The following B4GALT3 variants were observed in gnomAD, a reference collection of about 807,000 sequenced individuals.
B4GALT3 encodes beta-1,4-galactosyltransferase 3, also known as N-acetyllactosamine synthase.
In B4GALT3, 29 loss-of-function variants were observed where a neutral mutation model predicts 40.7. The ratio of observed to expected loss-of-function variants is 0.71; its 90% CI spans 0.53 to 0.97. The LOEUF is 0.97. Among genes scored for constraint, B4GALT3 ranks in the 50% least tolerant of loss-of-function variants. The pLI is 0.00. For synonymous variants in B4GALT3, 182 were observed against 203.9 expected (o/e 0.89, Z 0.92); for missense variants, 390 against 522.3 (o/e 0.75, Z 2.47).
At chr1:161,172,151 T>C in intron 7 of B4GALT3, 62 bp from the exon 8 acceptor site, 1 of 1,612,116 alleles carries the variant, frequency 6.2e-7, no homozygotes, top group Non-Finnish European at 8.5e-7. Context: ...TAGGGACCTT[T>C]AGGATTTTCC....
rs1661597711 is a variant in B4GALT3 at position 161,171,947 on chromosome 1, C to T, written c.1051G>A (p.Ala351Thr). The T allele has an allele frequency of 1.9e-6, 3 of 1,613,970 alleles. No individual in the cohort carries two copies. The highest frequency in any genetic ancestry group is 2.5e-6 in the Non-Finnish European group (3 of 1,180,022). ...DIGTDPRGPR[A>T]PSGPRYPPGS... is the part of the protein sequence containing the mutation. ...GGTGGGTAACGTGGCCCAGAAGGAG[C>T]CCGAGGACCCCGAGGGTCAGTCCCA... Residue 351 changes from alanine to threonine, a missense_variant, in exon 8 of 8, where the codon GCT becomes ACT. Transcript: ENST00000319769.
rs74124650 is a variant in B4GALT3, at chr1:161,172,805, A to G, written c.804-474T>C. ...CACTTTTGGATGCCAAGGCAGAAGG[A>G]TCACTTGAGGCCAGGAGTTCAAGAC... On this transcript the variant is annotated intron_variant, in intron 6 of 7. Transcript: ENST00000319769. Among the ~76,000 whole-genome samples, 498 of 151,864 alleles carry G rather than the reference A, an allele frequency of 3.3e-3. 3 individuals carry two copies. The highest frequency in any genetic ancestry group is 0.012 in the African/African-American group (479 of 41,384).
intron 1 of B4GALT3, 129 bp from the exon 2 acceptor site, chr1:161,176,708 G>A: frequency 1.5e-6 from 1 of 661,018 alleles, no homozygotes; most frequent in Non-Finnish European, 2.6e-6. Flanking sequence ...GCAGGAGATG[G>A]TAGGTCCCTC....
At position 161,171,729 on chromosome 1, in the gene B4GALT3, C is replaced by T; in HGVS notation, c.*87G>A. 2 of 1,524,766 alleles carry T rather than the reference C, an allele frequency of 1.3e-6. No individual in the cohort carries two copies. The highest frequency in any genetic ancestry group is 1.8e-6 in the Non-Finnish European group (2 of 1,122,060). The allele number at this position is 1,524,766 out of a possible 1,614,324, so 94.5% of individuals were successfully genotyped here. A position where few individuals can be genotyped will look rare whatever the true frequency, so the allele number is the denominator to read the frequency against. On this transcript the variant is annotated 3_prime_UTR_variant, in exon 8 of 8. Coordinates refer to ENST00000319769, the MANE Select transcript of B4GALT3 (RefSeq NM_003779.4). ...GCACCAGAGTTCAGTTCCCTCACAT[C>T]CCTCTGAGAACAGTGAGGAGCTGAG...
chr1:161,177,952 C>A (rs886097078), upstream of B4GALT3: 4 of 152,204 alleles, frequency 2.6e-5, no homozygotes, highest in African/African-American at 9.7e-5. Context: ...TTTGTATTCC[C>A]GTTGTATCCC....
chr1:161,171,348 C>T lies in B4GALT3; in HGVS notation c.*468G>A. ...CCTTTATTAGAAAATATATCAAAAT[C>T]CCAGCCCCCTGAGCCAGGACCAGAA... On this transcript the variant is annotated 3_prime_UTR_variant, in exon 8 of 8. Coordinates refer to ENST00000319769, the MANE Select transcript of B4GALT3 (RefSeq NM_003779.4). 1 of 1,149,996 alleles carries T rather than the reference C, an allele frequency of 8.7e-7. No individual in the cohort carries two copies. Among genetic ancestry groups the T allele is most frequent in the Middle Eastern group, 2.8e-4 (1 of 3,578 alleles). The allele number at this position is 1,149,996 out of a possible 1,614,324, so 71.2% of individuals were successfully genotyped here.
chr1:161,172,278 T>C lies in B4GALT3; in HGVS notation c.857A>G (p.Tyr286Cys), dbSNP rs1661731342. ...ATCTCCTCGGTGCTTCACCATCTTATAGTGTCCTACAGATGTGGGGGGCCG... is the reference window on the plus strand; with the variant it reads ...ATCTCCTCGGTGCTTCACCATCTTACAGTGTCCTACAGATGTGGGGGGCCG... ...ISRPPTSVGHYKMVKHRGDKG... is the reference protein window; with the variant it reads ...ISRPPTSVGHCKMVKHRGDKG... The change falls in exon 7 of 8, where the codon TAT becomes TGT. Residue 286 changes from tyrosine to cysteine, a missense_variant. Physicochemically the swap from Tyr to Cys is radical, Grantham distance 194. This residue lies in a region of B4GALT3 where 135 missense variants were observed against 227.8 expected (regional missense o/e 0.59). Coordinates refer to ENST00000319769, the MANE Select transcript of B4GALT3 (RefSeq NM_003779.4). 3 of 1,613,978 alleles carry C rather than the reference T, an allele frequency of 1.9e-6. No homozygotes were observed. Among genetic ancestry groups the C allele is most frequent in the East Asian group, 2.2e-5 (1 of 44,894 alleles).
At chr1:161,175,691 C>T (rs1316455215) in intron 3 of B4GALT3, 117 bp downstream of exon 3, 18 of 1,460,036 alleles carry the variant, frequency 1.2e-5, no homozygotes, top group Non-Finnish European at 1.6e-5. Context: ...CCTGCAGCCT[C>T]AGCCTACCTA....
intron 5 of B4GALT3, 40 bp downstream of exon 5, chr1:161,173,819 T>G (rs1245820540): frequency 6.2e-7 from 1 of 1,609,688 alleles, no homozygotes; most frequent in South Asian, 1.1e-5. Flanking sequence ...CACAGGATAG[T>G]AGGCTTCCCT....
At chr1:161,177,308 A>T in intron 1 of B4GALT3, 115 bp downstream of exon 1, 1 of 555,058 alleles carries the variant, frequency 1.8e-6, no homozygotes. Context: ...ACTTCCACCT[A>T]GGACCCCGTC....
intron 1 of B4GALT3, 62 bp from the exon 2 acceptor site, chr1:161,176,641 G>T: frequency 1.7e-6 from 1 of 586,522 alleles, no homozygotes; most frequent in African/African-American, 1.9e-5. Context: ...GGATCAGGGT[G>T]AAGCTGGTTT....
rs555392362 is a variant in B4GALT3 at position 161,177,467 on chromosome 1, C to T, written c.-205G>A. On this transcript the variant is annotated 5_prime_UTR_variant, in exon 1 of 8. Coordinates refer to ENST00000319769, the MANE Select transcript of B4GALT3 (RefSeq NM_003779.4). ...CGTCACCGCCACCCCAACAGCCGGG[C>T]AGGCATCGCTGCCGCCATCTTGGAA... 1.2e-4 allele frequency: 21 copies of T among 172,552 alleles called. No individual in the cohort carries two copies. Among genetic ancestry groups the T allele is most frequent in the Non-Finnish European group, 2.0e-4 (16 of 79,268 alleles). The allele number at this position is 172,552 out of a possible 1,614,324, so 10.7% of individuals were successfully genotyped here.
chr1:161,171,987 G>A lies in B4GALT3; in HGVS notation c.1011C>T (p.Asn337=). 2 of 1,614,148 alleles carry A rather than the reference G, an allele frequency of 1.2e-6. No individual in the cohort carries two copies. Among genetic ancestry groups the A allele is most frequent in the Non-Finnish European group, 1.7e-6 (2 of 1,180,022 alleles). The part of the protein sequence containing the change: ...LARELGPLYT[N]ITADIGTDPR... ...GGTCAGTCCCAATGTCTGCTGTGAT[G>A]TTGGTATAAAGAGGCCCCAGCTCTC... The change falls in exon 8 of 8, where the codon AAC becomes AAT. Residue 337 remains asparagine, a synonymous_variant. Coordinates refer to ENST00000319769, the MANE Select transcript of B4GALT3 (RefSeq NM_003779.4).
intron 6 of B4GALT3, among the ~76,000 whole-genome samples, chr1:161,173,086 A>G (rs1213514750): frequency 6.6e-6 from 1 of 150,702 alleles, no homozygotes; most frequent in Non-Finnish European, 1.5e-5. Flanking sequence ...CAGAGGACAC[A>G]GGGGGAATGG....
intron 4 of B4GALT3, among the ~76,000 whole-genome samples, chr1:161,174,411 A>G (rs969581011): frequency 4.6e-5 from 7 of 152,036 alleles, no homozygotes; most frequent in Non-Finnish European, 8.8e-5. Flanking sequence ...TCAAAAAAAA[A>G]AAAAAAGAAA....
chr1:161,173,771 C>T (rs758495055), intron 5 of B4GALT3, 44 bp from the exon 6 acceptor site: 1 of 1,612,592 alleles, frequency 6.2e-7, no homozygotes, highest in African/African-American at 1.3e-5. Flanking sequence ...CTTCTGGGGA[C>T]ACATCCCCAA....
rs917341171 is a variant in B4GALT3, at chr1:161,171,703, G to A, written c.*113C>T. ...GGGAGAGGCCCCTACCCCCTAGCACGGCACCAGAGTTCAGTTCCCTCACAT... is the reference window on the plus strand; with the variant it reads ...GGGAGAGGCCCCTACCCCCTAGCACAGCACCAGAGTTCAGTTCCCTCACAT... On this transcript the variant is annotated 3_prime_UTR_variant, in exon 8 of 8. Coordinates refer to ENST00000319769, the MANE Select transcript of B4GALT3 (RefSeq NM_003779.4). The A allele has an allele frequency of 5.4e-5, 78 of 1,444,108 alleles. No homozygotes were observed. Among genetic ancestry groups the A allele is most frequent in the South Asian group, 5.3e-4 (41 of 77,126 alleles). The allele number at this position is 1,444,108 out of a possible 1,614,324, so 89.5% of individuals were successfully genotyped here. A position where few individuals can be genotyped will look rare whatever the true frequency, so the allele number is the denominator to read the frequency against.
chr1:161,173,391 C>G (rs1420603622), intron 6 of B4GALT3, among the ~76,000 whole-genome samples: 2 of 152,160 alleles, frequency 1.3e-5, no homozygotes, highest in African/African-American at 4.8e-5. Flanking sequence ...TGTCCTCTCC[C>G]AAGAACAAAC....
chr1:161,176,377 C>T, intron 2 of B4GALT3, 57 bp downstream of exon 2: 1 of 462,064 alleles, frequency 2.2e-6, no homozygotes, highest in African/African-American at 2.0e-5. Flanking sequence ...ATGTTCATTT[C>T]AGAAAGTCTC....
Sources: gnomAD v4.1 joint callset for allele counts (sites outside exome capture counted in the v4.1 genomes callset) on GRCh38, gnomAD v4.1.1 for gene constraint, gnomAD v4.1.1 regional missense constraint, MANE v1.5 for transcripts, NCBI Gene and HGNC (gene_info 2026-07-23, HGNC 2026-07-21) for gene names.